Variants in PPFIA1 observed in about 807,000 individuals in gnomAD.
PPFIA1 encodes the protein PPFI scaffold protein A1.
PPFIA1 carries 25 observed loss-of-function variants against 149.9 expected under a neutral mutation model. The observed-to-expected ratio is 0.17, with a 90% confidence interval of 0.12 to 0.23. The LOEUF (loss-of-function observed/expected upper bound fraction) is 0.23, where lower values mean the gene tolerates loss of function less well. PPFIA1 is among the 10% of genes least tolerant of loss of function. The pLI is 1.00. For missense variants in PPFIA1, 1,362 were observed against 1,506.5 expected (o/e 0.90, Z 1.59); for synonymous variants, 549 against 552.8 (o/e 0.99, Z 0.10).
At chr11:70,348,456 C>T (rs2055852040) in intron 16 of PPFIA1, 36 bp downstream of exon 16, 1 of 1,494,750 alleles carries the variant, frequency 6.7e-7, no homozygotes, top group Non-Finnish European at 9.3e-7. Flanking sequence ...TGGCTGCCCT[C>T]AGCATACCTG....
At chr11:70,282,064 G>C (rs533786349) in intron 2 of PPFIA1, among the ~76,000 whole-genome samples, 13 of 151,486 alleles carry the variant, frequency 8.6e-5, no homozygotes, top group Non-Finnish European at 1.8e-4. Flanking sequence ...TGCTTCTCAT[G>C]ACATTGTCCA....
At chr11:70,329,187 G>A (rs535899980) in intron 7 of PPFIA1, among the ~76,000 whole-genome samples, 46 of 152,268 alleles carry the variant, frequency 3.0e-4, no homozygotes, top group Non-Finnish European at 5.0e-4. Context: ...CATTTGTAGC[G>A]TGAGGCAGAC....
At chr11:70,340,828 T>C (rs470975) in intron 14 of PPFIA1, 109,097 of 332,880 alleles carry the variant, frequency 0.33, 25,285 homozygotes, top group African/African-American at 0.61. Flanking sequence ...CAGAGCAGGA[T>C]AGTCCCGGCT....
At chr11:70,371,452 G>GA in intron 21 of PPFIA1, 2 of 159,082 alleles carry the variant, frequency 1.3e-5, no homozygotes, top group Non-Finnish European at 2.7e-5. Flanking sequence ...TTGTTGGGTG[G>GA]CGTGTTCTGT....
chr11:70,294,545 T>TC (rs1491343448), intron 2 of PPFIA1, among the ~76,000 whole-genome samples: 3 of 59,032 alleles, frequency 5.1e-5, no homozygotes, highest in Non-Finnish European at 8.9e-5. Context: ...GAATTTTCTT[T>TC]CTTTTTTTTT....
chr11:70,303,282 G>A (rs1018326014), intron 2 of PPFIA1, among the ~76,000 whole-genome samples: 3 of 152,156 alleles, frequency 2.0e-5, no homozygotes, highest in Non-Finnish European at 4.4e-5. Flanking sequence ...AGTCCTGTCT[G>A]CAGAACCTTG....
At chr11:70,302,861 G>A (rs369738148) in intron 2 of PPFIA1, among the ~76,000 whole-genome samples, 3 of 150,300 alleles carry the variant, frequency 2.0e-5, no homozygotes, top group East Asian at 1.9e-4. Context: ...CTCCTGCCTC[G>A]GTGTCCCAAG....
intron 26 of PPFIA1, among the ~76,000 whole-genome samples, chr11:70,379,613 A>C (rs9737522): frequency 1.7e-4 from 17 of 98,928 alleles, no homozygotes; most frequent in African/African-American, 4.3e-4. Flanking sequence ...CCCATCTCTA[A>C]AAAAAAAAAA....
intron 2 of PPFIA1, among the ~76,000 whole-genome samples, chr11:70,286,648 C>T (rs1439687934): frequency 6.6e-6 from 1 of 152,140 alleles, no homozygotes; most frequent in Non-Finnish European, 1.5e-5. Context: ...CCCACTGACT[C>T]TCAGACCCGA....
rs1028120068 is a variant in PPFIA1 at position 70,365,136 on chromosome 11, C to T, written c.2865+2648C>T. On this transcript the variant is annotated intron_variant, in intron 21 of 27. Transcript: ENST00000253925. ...TCTTCTCTTGATATTTCACATACCT[C>T]GGGTAAGCATGGCATCTAAAGCTCT... 4.1e-5 allele frequency: 8 copies of T among 195,788 alleles called. No homozygotes were observed. The East Asian group carries it at 5.7e-4, about 14-fold the overall frequency. The allele number at this position is 195,788 out of a possible 1,614,324, so 12.1% of individuals were successfully genotyped here. A position where few individuals can be genotyped will look rare whatever the true frequency, so the allele number is the denominator to read the frequency against.
chr11:70,335,212 CA>C (rs2054897798), intron 10 of PPFIA1, among the ~76,000 whole-genome samples: 1 of 152,136 alleles, frequency 6.6e-6, no homozygotes, highest in Non-Finnish European at 1.5e-5. Flanking sequence ...TTTAGTTACA[CA>C]AGGGGAAATT....
intron 21 of PPFIA1, chr11:70,365,261 A>C (rs1270688411): frequency 2.6e-6 from 1 of 378,024 alleles, no homozygotes; most frequent in African/African-American, 2.1e-5. Flanking sequence ...AGAAGAGCGA[A>C]CTTTGCCTCC....
At chr11:70,276,260 C>A (rs1049142999) in intron 2 of PPFIA1, among the ~76,000 whole-genome samples, 1 of 149,958 alleles carries the variant, frequency 6.7e-6, no homozygotes, top group Non-Finnish European at 1.5e-5. Flanking sequence ...ACGCACGCCA[C>A]TGCGCCTTGC....
intron 2 of PPFIA1, among the ~76,000 whole-genome samples, chr11:70,278,097 G>A (rs1159380141): frequency 6.6e-6 from 1 of 152,006 alleles, no homozygotes; most frequent in Non-Finnish European, 1.5e-5. Context: ...TTTTAGTAGA[G>A]AAGGTGTTTC....
intron 14 of PPFIA1, among the ~76,000 whole-genome samples, chr11:70,340,463 T>A (rs1591275917): frequency 6.6e-6 from 1 of 152,212 alleles, no homozygotes. Flanking sequence ...AAGAAGTAAT[T>A]GAATACATAT....
At chr11:70,320,669 T>C (rs2053886011) in intron 2 of PPFIA1, among the ~76,000 whole-genome samples, 1 of 152,082 alleles carries the variant, frequency 6.6e-6, no homozygotes, top group Non-Finnish European at 1.5e-5. Flanking sequence ...ACTCCTGGGC[T>C]CAAGCAGTCC....
chr11:70,310,220 A>C (rs1447468429), intron 2 of PPFIA1, among the ~76,000 whole-genome samples: 1 of 152,186 alleles, frequency 6.6e-6, no homozygotes, highest in Admixed American at 6.5e-5. Flanking sequence ...AGTGGCTGGC[A>C]ATGCCACTGT....
At chr11:70,366,649 G>A (rs947781) in intron 21 of PPFIA1, among the ~76,000 whole-genome samples, 34,479 of 152,180 alleles carry the variant, frequency 0.23, 6,070 homozygotes, top group African/African-American at 0.49. Flanking sequence ...GCCATGAGGC[G>A]TGGACAGGCA....
At chr11:70,322,171 G>A (rs1330980413) in intron 2 of PPFIA1, among the ~76,000 whole-genome samples, 2 of 152,220 alleles carry the variant, frequency 1.3e-5, no homozygotes, top group Non-Finnish European at 2.9e-5. Flanking sequence ...GAGCCACCAT[G>A]CCTGGCCTAA....
Sources: allele counts gnomAD v4.1 joint callset (sites outside exome capture counted in the v4.1 genomes callset), GRCh38; gene constraint gnomAD v4.1.1; transcripts MANE v1.5; gene names NCBI Gene and HGNC (gene_info 2026-07-23, HGNC 2026-07-21).